FTCDNL1: variants seen among roughly 807,000 people sequenced by gnomAD.
FTCDNL1 encodes the protein formiminotransferase N-terminal subdomain-containing protein.
In FTCDNL1, 11 loss-of-function variants were observed where a neutral mutation model predicts 5.9. That is an observed-to-expected ratio of 1.87 (90% CI 1.18 to 3.10). The LOEUF is 3.10. Ranked by LOEUF, FTCDNL1 falls within the 30% of genes most tolerant of loss-of-function variation. FTCDNL1 has a pLI of 0.00. For synonymous variants in FTCDNL1, 58 were observed against 24.8 expected (o/e 2.34, Z -3.99); for missense variants, 115 against 65.5 (o/e 1.76, Z -2.61).
At chr2:199,844,641 G>C (rs1448357255) in intron 3 of FTCDNL1, 1 of 421,724 alleles carries the variant, frequency 2.4e-6, no homozygotes, top group Non-Finnish European at 4.2e-6. Flanking sequence ...AATCTGTGTA[G>C]AAGATTTTTT....
rs576056049 is a variant in FTCDNL1, at chr2:199,842,540, C to T, written c.211+3535G>A. Among the ~76,000 whole-genome samples, 18 of 152,212 alleles carry T rather than the reference C, an allele frequency of 1.2e-4. No homozygotes were observed. The South Asian group carries it at 1.7e-3, about 14-fold the overall frequency. On this transcript the variant is annotated intron_variant, in intron 3 of 4. Coordinates refer to ENST00000420128, the MANE Select transcript of FTCDNL1 (RefSeq NM_001363886.2). ...TATGTATATATACACAATGCACATGCGTAAAAACTTGCAAAAATTGTTGAC... is the reference window on the plus strand; with the variant it reads ...TATGTATATATACACAATGCACATGTGTAAAAACTTGCAAAAATTGTTGAC...
the FTCDNL1 span, among the ~76,000 whole-genome samples, chr2:199,733,390 C>T: frequency 5.9e-5 from 9 of 152,050 alleles, no homozygotes; most frequent in Non-Finnish European, 1.0e-4. Flanking sequence ...GAAGACCTGC[C>T]CAGAAGAGTA....
chr2:199,718,700 G>A, the FTCDNL1 span, among the ~76,000 whole-genome samples: 1 of 151,972 alleles, frequency 6.6e-6, no homozygotes, highest in Non-Finnish European at 1.5e-5. Context: ...ACTCTGCATC[G>A]TTACCAACAT....
chr2:199,831,943 C>G (rs1279362544), intron 3 of FTCDNL1, among the ~76,000 whole-genome samples: 1 of 152,084 alleles, frequency 6.6e-6, no homozygotes, highest in African/African-American at 2.4e-5. Flanking sequence ...ATCTACTCTC[C>G]TCCCTATAAA....
At chr2:199,675,795 GT>G in the FTCDNL1 span, among the ~76,000 whole-genome samples, 2 of 152,100 alleles carry the variant, frequency 1.3e-5, no homozygotes, top group African/African-American at 4.8e-5. Flanking sequence ...TCACTTTATT[GT>G]CCATGCTAGA....
At chr2:199,765,556 A>ATATATATATATTTTTTTTTTTTTT in intron 3 of FTCDNL1, among the ~76,000 whole-genome samples, 20 of 42,658 alleles carry the variant, frequency 4.7e-4, no homozygotes, top group Non-Finnish European at 9.1e-4. Context: ...ATATATATAT[A>ATATATATATATTTTTTTTTTTTTT]TTTTTTTTTT....
chr2:199,837,330 C>T (rs1487955109), intron 3 of FTCDNL1, among the ~76,000 whole-genome samples: 1 of 152,186 alleles, frequency 6.6e-6, no homozygotes, highest in Non-Finnish European at 1.5e-5. Context: ...CAACTAAATG[C>T]TATGCCCTAA....
chr2:199,810,111 C>T lies in FTCDNL1; in HGVS notation c.*2594G>A, dbSNP rs866059684. On this transcript the variant is annotated 3_prime_UTR_variant, in exon 5 of 5. Coordinates refer to ENST00000420128, the MANE Select transcript of FTCDNL1 (RefSeq NM_001363886.2). ...AAGAAAAGCACGGTTAAGAGCTAAG[C>T]GTCATCAGCAGCAACAGGCCTTAGA... Among the ~76,000 whole-genome samples, 3 of 151,990 alleles carry T rather than the reference C, an allele frequency of 2.0e-5. No individual in the cohort carries two copies. The highest frequency in any genetic ancestry group is 7.3e-5 in the African/African-American group (3 of 41,372).
At chr2:199,673,380 T>C in the FTCDNL1 span, among the ~76,000 whole-genome samples, 7 of 150,844 alleles carry the variant, frequency 4.6e-5, no homozygotes, top group East Asian at 1.4e-3. Flanking sequence ...AAAAGTAGTT[T>C]CCATTGACAT....
chr2:199,740,975 T>G, the FTCDNL1 span, among the ~76,000 whole-genome samples: 1 of 152,160 alleles, frequency 6.6e-6, no homozygotes, highest in Non-Finnish European at 1.5e-5. Context: ...TCACAAGTCT[T>G]CATTCAGGCA....
At chr2:199,776,989 T>C (rs941274415) in intron 3 of FTCDNL1, among the ~76,000 whole-genome samples, 1 of 150,872 alleles carries the variant, frequency 6.6e-6, no homozygotes. Flanking sequence ...TGTGTGTGTG[T>C]GTGTGTGTGT....
chr2:199,679,291 T>C, the FTCDNL1 span, among the ~76,000 whole-genome samples: 6 of 152,294 alleles, frequency 3.9e-5, no homozygotes, highest in Admixed American at 3.3e-4. Flanking sequence ...TTATGTCATC[T>C]TTATAATATA....
the FTCDNL1 span, among the ~76,000 whole-genome samples, chr2:199,722,954 G>T: frequency 6.6e-6 from 1 of 151,882 alleles, no homozygotes; most frequent in East Asian, 1.9e-4. Context: ...GAATACTTGT[G>T]ATTTTTTTTT....
At chr2:199,803,813 G>C (rs1318856506) in intron 3 of FTCDNL1, among the ~76,000 whole-genome samples, 1 of 152,124 alleles carries the variant, frequency 6.6e-6, no homozygotes, top group Non-Finnish European at 1.5e-5. Context: ...TACAGGTATG[G>C]GATATGGTAG....
chr2:199,772,475 G>C (rs1176479521), intron 3 of FTCDNL1, among the ~76,000 whole-genome samples: 2 of 152,080 alleles, frequency 1.3e-5, no homozygotes, highest in Non-Finnish European at 2.9e-5. Context: ...ACATTTCCAA[G>C]GTATGACATA....
intron 3 of FTCDNL1, among the ~76,000 whole-genome samples, chr2:199,762,610 C>A (rs1414948420): frequency 6.6e-6 from 1 of 152,008 alleles, no homozygotes; most frequent in South Asian, 2.1e-4. Flanking sequence ...GGATATTTAA[C>A]AAGTAAATAA....
chr2:199,751,575 C>T, the FTCDNL1 span, among the ~76,000 whole-genome samples: 1 of 152,068 alleles, frequency 6.6e-6, no homozygotes, highest in South Asian at 2.1e-4. Flanking sequence ...TTGTTAAAGG[C>T]AGAGCACCCC....
At chr2:199,798,483 T>C (rs1178791543) in intron 3 of FTCDNL1, among the ~76,000 whole-genome samples, 1 of 152,182 alleles carries the variant, frequency 6.6e-6, no homozygotes, top group Admixed American at 6.5e-5. Flanking sequence ...GAGGTACAGT[T>C]CACCTACGTC....
chr2:199,707,017 C>A, the FTCDNL1 span, among the ~76,000 whole-genome samples: 1 of 152,232 alleles, frequency 6.6e-6, no homozygotes, highest in African/African-American at 2.4e-5. Context: ...TTTGAGCTTT[C>A]TCAGATATAC....
Sources: allele counts gnomAD v4.1 joint callset (sites outside exome capture counted in the v4.1 genomes callset), GRCh38; gene constraint gnomAD v4.1.1; transcripts MANE v1.5; gene names NCBI Gene and HGNC (gene_info 2026-07-23, HGNC 2026-07-21).